Variants in PIK3R4 observed in about 807,000 individuals in gnomAD.
PIK3R4 encodes the protein phosphoinositide 3-kinase regulatory subunit 4.
Under a neutral mutation model 136.5 loss-of-function variants are expected in PIK3R4, and 46 were observed. The ratio of observed to expected loss-of-function variants is 0.34; its 90% confidence interval spans 0.27 to 0.43. The LOEUF (loss-of-function observed/expected upper bound fraction) is 0.43. PIK3R4 is among the 20% of genes least tolerant of loss of function. The pLI, the probability that PIK3R4 is intolerant of heterozygous loss-of-function variation, is 1.00. For missense variants in PIK3R4, 1,331 were observed against 1,649.5 expected, an observed-to-expected ratio of 0.81 and a Z score of 3.35; for synonymous variants, 557 against 566.7, an observed-to-expected ratio of 0.98 and a Z score of 0.24.
intron 2 of PIK3R4, 151 bp downstream of exon 2, chr3:130,744,335 T>G: frequency 7.7e-6 from 6 of 778,184 alleles, no homozygotes; most frequent in Non-Finnish European, 8.3e-6. Context: ...ACATATCCAA[T>G]GCAGGAATGC....
chr3:130,718,713 T>C (rs528207881), intron 7 of PIK3R4, among the ~76,000 whole-genome samples, 179 bp from the exon 8 acceptor site: 302 of 152,336 alleles, frequency 2.0e-3, no homozygotes, highest in South Asian at 0.014. Context: ...ACTGTTATTA[T>C]AATATTCTCT....
chr3:130,679,554 A>T, intron 19 of PIK3R4, 69 bp from the exon 20 acceptor site: 1 of 1,064,176 alleles, frequency 9.4e-7, no homozygotes, highest in South Asian at 1.5e-5. Flanking sequence ...TCTCGTCAGT[A>T]GTCCTGCTTC....
At chr3:130,731,194 T>C (rs557834685) in intron 4 of PIK3R4, among the ~76,000 whole-genome samples, 1 of 152,322 alleles carries the variant, frequency 6.6e-6, no homozygotes, top group East Asian at 1.9e-4. Flanking sequence ...CCACTTAACA[T>C]ATGTGTTTCT....
intron 9 of PIK3R4, among the ~76,000 whole-genome samples, chr3:130,715,121 C>CTTTTT (rs1170237161): frequency 1.7e-5 from 2 of 119,892 alleles, no homozygotes; most frequent in Non-Finnish European, 1.7e-5. Flanking sequence ...TTTTTCCCGA[C>CTTTTT]TTTTTTTTTT....
chr3:130,689,072 A>C (rs1296740211), intron 14 of PIK3R4, among the ~76,000 whole-genome samples: 1 of 152,228 alleles, frequency 6.6e-6, no homozygotes, highest in Non-Finnish European at 1.5e-5. Context: ...AATTAGTAAG[A>C]GCTATCTATG....
chr3:130,727,078 A>T (rs548128570), intron 6 of PIK3R4, among the ~76,000 whole-genome samples: 1 of 152,234 alleles, frequency 6.6e-6, no homozygotes, highest in Non-Finnish European at 1.5e-5. Flanking sequence ...TTCAAAGTAG[A>T]AAGTACCCTT....
chr3:130,709,267 T>C (rs1387030987), intron 9 of PIK3R4, among the ~76,000 whole-genome samples: 2 of 152,192 alleles, frequency 1.3e-5, no homozygotes, highest in African/African-American at 4.8e-5. Flanking sequence ...AACTTAAATA[T>C]TCTGGTAAAT....
At chr3:130,703,655 G>C (rs2066591561) in intron 13 of PIK3R4, 68 bp downstream of exon 13, 5 of 1,187,206 alleles carry the variant, frequency 4.2e-6, no homozygotes, top group Non-Finnish European at 6.2e-6. Context: ...GGTTATTATA[G>C]AGTAAACACT....
chr3:130,717,076 T>C lies in PIK3R4; in HGVS notation c.2128-477A>G, dbSNP rs144781240. Reference sequence around the variant, plus strand: ...GTGTTTATAAAATCTTTCCTTTAATTATCCAAAAGGAATACATTCCTTGTC... The same window carrying C: ...GTGTTTATAAAATCTTTCCTTTAATCATCCAAAAGGAATACATTCCTTGTC... On this transcript the variant is annotated intron_variant, in intron 8 of 19. Coordinates refer to ENST00000356763, the MANE Select transcript of PIK3R4 (RefSeq NM_014602.3). Among the ~76,000 whole-genome samples the C allele has an allele frequency of 5.3e-3, 805 of 152,310 alleles. 30 individuals are homozygous for C. The highest frequency in any genetic ancestry group is 0.02 in the Admixed American group (312 of 15,308).
intron 2 of PIK3R4, among the ~76,000 whole-genome samples, chr3:130,740,541 C>T (rs1559831900): frequency 6.6e-6 from 1 of 152,022 alleles, no homozygotes; most frequent in Non-Finnish European, 1.5e-5. Context: ...AGTTTAAGAC[C>T]AGCCTGGCCA....
chr3:130,717,911 G>T (rs1303037506), intron 8 of PIK3R4, among the ~76,000 whole-genome samples: 1 of 152,150 alleles, frequency 6.6e-6, no homozygotes, highest in Non-Finnish European at 1.5e-5. Flanking sequence ...TTATCACCAA[G>T]TACTGCTAAA....
intron 6 of PIK3R4, among the ~76,000 whole-genome samples, chr3:130,724,988 A>T (rs1357131535): frequency 6.6e-6 from 1 of 151,980 alleles, no homozygotes; most frequent in African/African-American, 2.4e-5. Flanking sequence ...CATACATTAT[A>T]CATTTTGATT....
chr3:130,730,916 C>A (rs985826657), intron 4 of PIK3R4, among the ~76,000 whole-genome samples: 2 of 152,190 alleles, frequency 1.3e-5, no homozygotes, highest in Non-Finnish European at 2.9e-5. Flanking sequence ...TGTTTCTTCA[C>A]ATATAAATGA....
intron 17 of PIK3R4, 138 bp downstream of exon 17, chr3:130,681,353 A>G (rs2066457174): frequency 1.5e-6 from 1 of 660,000 alleles, no homozygotes; most frequent in Non-Finnish European, 2.7e-6. Context: ...CAATGGCCAC[A>G]TGATACTTGA....
Position 130,696,127 on chromosome 3 carries a change from T to C in PIK3R4, c.3099-5473A>G, listed in dbSNP as rs542629717. Reference sequence around the variant, plus strand: ...TTTATTTCTGTCAAGTCAGTAGTAATGTGCCCCCTTCAATTCCTGTTTTTA... The same window carrying C: ...TTTATTTCTGTCAAGTCAGTAGTAACGTGCCCCCTTCAATTCCTGTTTTTA... On this transcript the variant is annotated intron_variant, in intron 13 of 19. Coordinates refer to ENST00000356763, the MANE Select transcript of PIK3R4 (RefSeq NM_014602.3). 1.9e-3 allele frequency among the ~76,000 whole-genome samples: 286 copies of C among 152,258 alleles called. 1 individual carries two copies. Among genetic ancestry groups the C allele is most frequent in the African/African-American group, 6.5e-3 (272 of 41,570 alleles).
At chr3:130,688,615 A>C (rs1412518856) in intron 14 of PIK3R4, among the ~76,000 whole-genome samples, 1 of 152,214 alleles carries the variant, frequency 6.6e-6, no homozygotes, top group East Asian at 1.9e-4. Context: ...TCAATAACTC[A>C]TTCCTTTATA....
rs753603465 is a variant in PIK3R4, at chr3:130,680,730, GA to G, written c.3798-10del. 3 of 1,534,282 alleles carry G rather than the reference GA, an allele frequency of 2.0e-6. No individual in the cohort carries two copies. The highest frequency in any genetic ancestry group is 2.7e-6 in the Non-Finnish European group (3 of 1,110,704). On this transcript the variant is annotated splice_polypyrimidine_tract_variant and intron_variant, in intron 18 of 19. Coordinates refer to ENST00000356763, the MANE Select transcript of PIK3R4 (RefSeq NM_014602.3). Reference sequence around the variant, plus strand: ...AAGCCAAGTCCCAAAACCTAGGAAAGAGGAAATAAATGATGACAATCTCTTC... The same window carrying G: ...AAGCCAAGTCCCAAAACCTAGGAAAGGGAAATAAATGATGACAATCTCTTC...
chr3:130,744,471 G>A lies in PIK3R4; in HGVS notation c.733+15C>T, dbSNP rs956240001. 29 of 1,588,514 alleles carry A rather than the reference G, an allele frequency of 1.8e-5. No homozygotes were observed. The highest frequency in any genetic ancestry group is 2.4e-5 in the Non-Finnish European group (28 of 1,167,336). ...AAACACATGCTCCCTTAGCAAATGT[G>A]ACCCACTCAAATACCTGCTGAAAAG... On this transcript the variant is annotated intron_variant, in intron 2 of 19. Transcript: ENST00000356763.
At chr3:130,694,309 GA>G (rs530657437) in intron 13 of PIK3R4, among the ~76,000 whole-genome samples, 72 of 145,744 alleles carry the variant, frequency 4.9e-4, no homozygotes, top group African/African-American at 1.2e-3. Context: ...CGATTTCAGG[GA>G]AAAAAAAAAG....
Sources: gnomAD v4.1 joint callset for allele counts (sites outside exome capture counted in the v4.1 genomes callset) on GRCh38, gnomAD v4.1.1 for gene constraint, MANE v1.5 for transcripts, NCBI Gene and HGNC (gene_info 2026-07-23, HGNC 2026-07-21) for gene names.